Variants in EYA2 observed in about 807,000 individuals in gnomAD.
The protein encoded by EYA2 is EYA transcriptional coactivator and phosphatase 2.
In EYA2, 31 loss-of-function variants were observed where a neutral mutation model predicts 69.2. The ratio of observed to expected loss-of-function variants is 0.45; its 90% CI spans 0.34 to 0.60. EYA2 has a LOEUF of 0.60. Among genes scored for constraint, EYA2 ranks in the 20% least tolerant of loss-of-function variants. EYA2 has a pLI of 0.02. For synonymous variants in EYA2, 257 were observed against 279.4 expected (o/e 0.92, Z 0.80); for missense variants, 622 against 701.2 (o/e 0.89, Z 1.28).
In EYA2 at chr20:47,143,113, C is replaced by G. The variant is rs2033630930; in HGVS notation, c.943C>G (p.Leu315Val). 1 of 1,613,662 alleles carries G rather than the reference C, an allele frequency of 6.2e-7. No individual in the cohort carries two copies. Among genetic ancestry groups the G allele is most frequent in the African/African-American group, 1.3e-5 (1 of 74,920 alleles). The change falls in exon 10 of 16, where the codon CTT becomes GTT. Residue 315 changes from leucine (L) to valine (V), a missense_variant. Coordinates refer to ENST00000327619, the MANE Select transcript of EYA2 (RefSeq NM_005244.5). ...GLMMEEMIFN[L>V]ADTHLFFNDL... is the part of the protein sequence containing the mutation. Reference sequence around the variant, plus strand: ...TATGATGGAAGAGATGATCTTCAACCTTGCAGATACACATCTGTTCTTCAA... The same window carrying G: ...TATGATGGAAGAGATGATCTTCAACGTTGCAGATACACATCTGTTCTTCAA...
chr20:47,012,084 A>G (rs1983094949), intron 4 of EYA2, among the ~76,000 whole-genome samples: 1 of 152,222 alleles, frequency 6.6e-6, no homozygotes, highest in African/African-American at 2.4e-5. Flanking sequence ...CAAGATCTGT[A>G]TCTCCTGACC....
At chr20:47,097,191 T>C in intron 9 of EYA2, 23 bp downstream of exon 9, 1 of 1,567,200 alleles carries the variant, frequency 6.4e-7, no homozygotes, top group South Asian at 1.1e-5. Flanking sequence ...TTTGTCTCTC[T>C]CTCTCTTTTT....
At chr20:47,180,002 G>A in intron 13 of EYA2, 90 bp downstream of exon 13, 1 of 889,820 alleles carries the variant, frequency 1.1e-6, no homozygotes, top group African/African-American at 1.7e-5. Flanking sequence ...TGGGAGAATT[G>A]GACTCCTCAA....
intron 7 of EYA2, among the ~76,000 whole-genome samples, chr20:47,088,486 T>C (rs1044991262): frequency 1.3e-5 from 2 of 152,164 alleles, no homozygotes; most frequent in Admixed American, 6.5e-5. Context: ...CAGCATCCAG[T>C]GGCCCCTCCC....
intron 9 of EYA2, among the ~76,000 whole-genome samples, chr20:47,121,885 G>A (rs1177901139): frequency 2.0e-5 from 3 of 152,130 alleles, no homozygotes; most frequent in Non-Finnish European, 4.4e-5. Flanking sequence ...AAGGCCCCAA[G>A]TTCCCTGGCC....
chr20:46,973,075 G>A (rs929839051), intron 1 of EYA2, among the ~76,000 whole-genome samples: 3 of 152,106 alleles, frequency 2.0e-5, no homozygotes, highest in African/African-American at 7.2e-5. Flanking sequence ...AAGGGCCCTC[G>A]TGGTGTCACT....
rs1053391560 is a variant in EYA2 at position 47,037,386 on chromosome 20, A to T, written c.415+21089A>T. Among the ~76,000 whole-genome samples, 9 of 152,264 alleles carry T rather than the reference A, an allele frequency of 5.9e-5. No individual in the cohort carries two copies. The East Asian group carries it at 1.7e-3, about 29-fold the overall frequency. On this transcript the variant is annotated intron_variant, in intron 5 of 15. Transcript: ENST00000327619. ...AACTCATGCAACACTGAGAATAGAC[A>T]TGGCGCAAAAGAAGCACTCCGTGTT... is the stretch of plus-strand genomic sequence containing the variant.
chr20:47,143,187 T>A, intron 10 of EYA2, 39 bp downstream of exon 10: 1 of 1,518,638 alleles, frequency 6.6e-7, no homozygotes, highest in Non-Finnish European at 9.1e-7. Context: ...TTGCCATGTT[T>A]AATCACCTGC....
chr20:46,996,166 G>T lies in EYA2; in HGVS notation c.110-5262G>T, dbSNP rs549669674. ...CATGGTGTGTATCCTCGGGTAAGTT[G>T]CTTCACACAGTCACTCACATACACA... On this transcript the variant is annotated intron_variant, in intron 2 of 15. Coordinates refer to ENST00000327619, the MANE Select transcript of EYA2 (RefSeq NM_005244.5). 7.2e-5 allele frequency among the ~76,000 whole-genome samples: 11 copies of T among 152,308 alleles called. 1 individual carries two copies. In the South Asian group the frequency reaches 1.9e-3, roughly 26 times the overall value.
At chr20:47,023,904 C>G (rs1983926346) in intron 5 of EYA2, among the ~76,000 whole-genome samples, 1 of 152,168 alleles carries the variant, frequency 6.6e-6, no homozygotes, top group Non-Finnish European at 1.5e-5. Flanking sequence ...TCCCAAAGTG[C>G]TAGTACAGGC....
chr20:46,972,907 C>G (rs896434574), intron 1 of EYA2, among the ~76,000 whole-genome samples: 1 of 152,238 alleles, frequency 6.6e-6, no homozygotes, highest in South Asian at 2.1e-4. Flanking sequence ...TTGGAATATT[C>G]TGGAATATCT....
chr20:46,949,664 G>A (rs902305698), intron 1 of EYA2, among the ~76,000 whole-genome samples: 2 of 152,370 alleles, frequency 1.3e-5, no homozygotes, highest in Admixed American at 1.3e-4. Context: ...AAGGCACATA[G>A]TAGGTGCTCA....
intron 5 of EYA2, among the ~76,000 whole-genome samples, chr20:47,064,080 A>G (rs2031014782): frequency 6.6e-6 from 1 of 152,172 alleles, no homozygotes; most frequent in Non-Finnish European, 1.5e-5. Context: ...CACAGCCTCC[A>G]GAAGAGCTGG....
chr20:47,093,456 C>G (rs2032148310), intron 8 of EYA2, among the ~76,000 whole-genome samples: 1 of 152,378 alleles, frequency 6.6e-6, no homozygotes, highest in South Asian at 2.1e-4. Flanking sequence ...ACATTGTCCA[C>G]CTTTATCTCG....
intron 11 of EYA2, among the ~76,000 whole-genome samples, chr20:47,171,499 C>G (rs1475754811): frequency 6.6e-6 from 1 of 152,094 alleles, no homozygotes; most frequent in Admixed American, 6.6e-5. Flanking sequence ...CATGGGATAA[C>G]TCATTGCATA....
At chr20:47,052,072 T>C (rs750274525) in intron 5 of EYA2, among the ~76,000 whole-genome samples, 14 of 152,168 alleles carry the variant, frequency 9.2e-5, no homozygotes, top group Non-Finnish European at 1.9e-4. Context: ...CCAGAAATTA[T>C]TTCTTGAGAG....
intron 9 of EYA2, among the ~76,000 whole-genome samples, chr20:47,106,092 T>TTTTTTG (rs916931381): frequency 7.9e-5 from 12 of 152,286 alleles, no homozygotes; most frequent in African/African-American, 2.9e-4. Flanking sequence ...TTGTGTTTTG[T>TTTTTTG]TTTTTGTTTT....
chr20:47,005,609 G>A lies in EYA2; in HGVS notation c.298+525G>A, dbSNP rs560796168. 3.0e-4 allele frequency among the ~76,000 whole-genome samples: 45 copies of A among 152,362 alleles called. No homozygotes were observed. The Middle Eastern group carries it at 0.024, about 81-fold the overall frequency. ...GTTGGGCCATGTGGCAATGCTTATA[G>A]CAAGGCAAGGAGAACAGGGTGATGG... is the stretch of plus-strand genomic sequence containing the variant. On this transcript the variant is annotated intron_variant, in intron 4 of 15. Transcript: ENST00000327619.
intron 8 of EYA2, 57 bp downstream of exon 8, chr20:47,089,438 AC>A (rs2032004716): frequency 1.3e-6 from 2 of 1,551,028 alleles, no homozygotes; most frequent in Admixed American, 3.9e-5. Flanking sequence ...TGAGGCCCAA[AC>A]AAGAGTGGGG....
Sources: gnomAD v4.1 joint callset for allele counts (sites outside exome capture counted in the v4.1 genomes callset) on GRCh38, gnomAD v4.1.1 for gene constraint, MANE v1.5 for transcripts, NCBI Gene and HGNC (gene_info 2026-07-23, HGNC 2026-07-21) for gene names.